Variants in SMCHD1 observed in about 807,000 individuals in gnomAD.
SMCHD1 encodes structural maintenance of chromosomes flexible hinge domain containing 1, also known as structural maintenance of chromosomes flexible hinge domain-containing protein 1.
In SMCHD1, 78 loss-of-function variants were observed where a neutral mutation model predicts 254.7. That is an observed-to-expected ratio of 0.31 (90% CI 0.26 to 0.37). The LOEUF is 0.37. Ranked by LOEUF, SMCHD1 falls within the 10% of genes least tolerant of loss-of-function variation. SMCHD1 has a pLI of 1.00. For synonymous variants in SMCHD1, 766 were observed against 794.9 expected (o/e 0.96, Z 0.61); for missense variants, 1,840 against 2,408.1 (o/e 0.76, Z 4.94).
intron 3 of SMCHD1, among the ~76,000 whole-genome samples, chr18:2,669,550 A>G (rs2073537906): frequency 6.6e-6 from 1 of 152,114 alleles, no homozygotes; most frequent in African/African-American, 2.4e-5. Flanking sequence ...GAAGTGCCTT[A>G]GGGCTTAGTT....
At chr18:2,725,309 T>C (rs1479613966) in intron 21 of SMCHD1, among the ~76,000 whole-genome samples, 2 of 151,944 alleles carry the variant, frequency 1.3e-5, no homozygotes, top group Non-Finnish European at 2.9e-5. Flanking sequence ...GCTGTTTTTT[T>C]TTTTTCTCTC....
chr18:2,784,420 C>A, intron 44 of SMCHD1, 30 bp from the exon 45 acceptor site: 1 of 1,545,634 alleles, frequency 6.5e-7, no homozygotes, highest in Non-Finnish European at 8.7e-7. Context: ...ATAAGTTGCT[C>A]ACTACTTACT....
At chr18:2,731,702 T>C (rs1435624699) in intron 24 of SMCHD1, among the ~76,000 whole-genome samples, 1 of 152,200 alleles carries the variant, frequency 6.6e-6, no homozygotes, top group Non-Finnish European at 1.5e-5. Flanking sequence ...GGCAATACTT[T>C]TAAAGAAACT....
chr18:2,711,481 C>CTTT (rs752950626), intron 17 of SMCHD1, among the ~76,000 whole-genome samples: 1,274 of 112,456 alleles, frequency 0.011, 71 homozygotes, highest in African/African-American at 0.025. Flanking sequence ...GGATGTTTGT[C>CTTT]TTTTTTTTTT....
intron 28 of SMCHD1, 92 bp from the exon 29 acceptor site, chr18:2,743,669 A>T: frequency 1.2e-6 from 1 of 814,198 alleles, no homozygotes; most frequent in Non-Finnish European, 1.8e-6. Context: ...ACACATCTGT[A>T]CGCCCATGGG....
rs1365539591 is a variant in SMCHD1 at position 2,770,036 on chromosome 18, C to G, written c.4894C>G (p.Gln1632Glu). 17 of 1,601,174 alleles carry G rather than the reference C, an allele frequency of 1.1e-5. No individual in the cohort carries two copies. The highest frequency in any genetic ancestry group is 1.4e-5 in the Non-Finnish European group (16 of 1,176,446). The change falls in exon 39 of 48, where the codon CAA becomes GAA. Residue 1632 changes from glutamine to glutamate, a missense_variant. By Grantham distance (29) the Gln-to-Glu change is conservative. Coordinates refer to ENST00000320876, the MANE Select transcript of SMCHD1 (RefSeq NM_015295.3). ...QMAALTKEKD[Q>E]LSQSIVMYKS... ...GGCAGCACTTACAAAAGAAAAGGACCAATTATCTCAGTCTATTGTTATGTA... is the reference window on the plus strand; with the variant it reads ...GGCAGCACTTACAAAAGAAAAGGACGAATTATCTCAGTCTATTGTTATGTA...
intron 39 of SMCHD1, 21 bp from the exon 40 acceptor site, chr18:2,771,512 A>G: frequency 6.5e-7 from 1 of 1,545,792 alleles, no homozygotes. Context: ...ATTGATGCAA[A>G]TTTTTGGTTT....
At chr18:2,663,929 A>T (rs142493038) in intron 1 of SMCHD1, among the ~76,000 whole-genome samples, 1,532 of 151,964 alleles carry the variant, frequency 0.01, 20 homozygotes, top group African/African-American at 0.035. Context: ...GTTAGCCAGG[A>T]TGGTCTCGAT....
chr18:2,678,281 C>CTT (rs139740956), intron 5 of SMCHD1, among the ~76,000 whole-genome samples: 6,170 of 95,152 alleles, frequency 0.065, 242 homozygotes, highest in Non-Finnish European at 0.1. Context: ...CTCCCTCTCT[C>CTT]TCTTTCTTTC....
At chr18:2,742,764 C>A (rs1293490023) in intron 28 of SMCHD1, among the ~76,000 whole-genome samples, 1 of 152,062 alleles carries the variant, frequency 6.6e-6, no homozygotes, top group African/African-American at 2.4e-5. Context: ...GTAGCTTCAA[C>A]CTCCTGGGCT....
chr18:2,658,288 T>G (rs2073134226), intron 1 of SMCHD1, among the ~76,000 whole-genome samples: 1 of 152,214 alleles, frequency 6.6e-6, no homozygotes, highest in Admixed American at 6.5e-5. Context: ...TCAGTAACTC[T>G]TAGATAAATA....
chr18:2,723,799 C>CTT (rs2074974009), intron 20 of SMCHD1, among the ~76,000 whole-genome samples: 1 of 152,160 alleles, frequency 6.6e-6, no homozygotes, highest in African/African-American at 2.4e-5. Context: ...GAGATCTAAA[C>CTT]TTTTCATCAG....
intron 1 of SMCHD1, 119 bp downstream of exon 1, chr18:2,656,380 TG>T: frequency 1.0e-6 from 1 of 976,630 alleles, no homozygotes; most frequent in African/African-American, 1.7e-5. Flanking sequence ...CCTGCGGCCT[TG>T]GCTTCCCTCT....
chr18:2,657,587 A>G (rs558646475), intron 1 of SMCHD1, among the ~76,000 whole-genome samples: 2 of 152,320 alleles, frequency 1.3e-5, no homozygotes, highest in Non-Finnish European at 2.9e-5. Flanking sequence ...TAAAACTACT[A>G]TATGACTACT....
At chr18:2,796,310 TTC>T in intron 46 of SMCHD1, 95 bp from the exon 47 acceptor site, 2 of 902,328 alleles carry the variant, frequency 2.2e-6, no homozygotes, top group Non-Finnish European at 3.3e-6. Context: ...ACTTTCTTAA[TTC>T]TTTTTCTATA....
chr18:2,746,340 T>C (rs1172687039), intron 29 of SMCHD1, among the ~76,000 whole-genome samples: 2 of 152,212 alleles, frequency 1.3e-5, no homozygotes, highest in African/African-American at 4.8e-5. Flanking sequence ...GGACTACAAG[T>C]CATTTACTTA....
intron 44 of SMCHD1, 93 bp from the exon 45 acceptor site, chr18:2,784,357 C>T (rs2076206402): frequency 9.1e-7 from 1 of 1,098,128 alleles, no homozygotes; most frequent in African/African-American, 1.6e-5. Context: ...GTGATCCTGT[C>T]ATTTCTAATC....
intron 47 of SMCHD1, among the ~76,000 whole-genome samples, chr18:2,801,414 G>A (rs931757598): frequency 3.9e-5 from 6 of 152,110 alleles, no homozygotes; most frequent in African/African-American, 7.2e-5. Flanking sequence ...TCTGGACTGC[G>A]ACTTTCTCCT....
At chr18:2,659,394 A>G (rs1309085028) in intron 1 of SMCHD1, among the ~76,000 whole-genome samples, 1 of 152,236 alleles carries the variant, frequency 6.6e-6, no homozygotes, top group African/African-American at 2.4e-5. Context: ...CTGGGAATAC[A>G]GGCATGAGCC....
Sources: gnomAD v4.1 joint callset for allele counts (sites outside exome capture counted in the v4.1 genomes callset) on GRCh38, gnomAD v4.1.1 for gene constraint, MANE v1.5 for transcripts, NCBI Gene and HGNC (gene_info 2026-07-23, HGNC 2026-07-21) for gene names.